The following PGF variants were observed in gnomAD, a reference collection of about 807,000 sequenced individuals.
PGF encodes placenta growth factor.
PGF carries 11 observed loss-of-function variants against 25.3 expected under a neutral mutation model. The ratio of observed to expected loss-of-function variants is 0.43; its 90% CI spans 0.27 to 0.72. The LOEUF (loss-of-function observed/expected upper bound fraction) is 0.72, where lower values mean the gene tolerates loss of function less well. Among genes scored for constraint, PGF ranks in the 30% least tolerant of loss-of-function variants. PGF has a pLI of 0.18. For synonymous variants in PGF, 105 were observed against 97.9 expected (o/e 1.07, Z -0.43); for missense variants, 230 against 234.9 (o/e 0.98, Z 0.14).
chr14:74,946,363 C>T lies in PGF; in HGVS notation c.422+16G>A, dbSNP rs375722502. ...CAGGCCCGAGAATAGCCCCGAGCCC[C>T]AGCCAAACCACTTACCTTTCCGGCT... On this transcript the variant is annotated intron_variant, in intron 5 of 6. Coordinates refer to ENST00000555567, the MANE Select transcript of PGF (RefSeq NM_002632.6). The T allele has an allele frequency of 1.8e-5, 29 of 1,613,436 alleles. No individual in the cohort carries two copies. Among genetic ancestry groups the T allele is most frequent in the African/African-American group, 1.6e-4 (12 of 75,052 alleles).
In PGF at chr14:74,946,422, C is replaced by G. The variant is rs764256662; in HGVS notation, c.393-14G>C. The G allele has an allele frequency of 2.2e-5, 36 of 1,603,366 alleles. No individual in the cohort carries two copies. The highest frequency in any genetic ancestry group is 1.7e-4 in the Middle Eastern group (1 of 6,024). Reference sequence around the variant, plus strand: ...TCCCGCAGAGGCCTAGGGAAACAGACAGAGAGAGGGGCAGAGGAACGTTAG... The same window carrying G: ...TCCCGCAGAGGCCTAGGGAAACAGAGAGAGAGAGGGGCAGAGGAACGTTAG... On this transcript the variant is annotated splice_polypyrimidine_tract_variant and intron_variant, in intron 4 of 6. Transcript: ENST00000555567.
At chr14:74,942,809 G>A in intron 6 of PGF, 76 bp from the exon 7 acceptor site, 1 of 1,409,964 alleles carries the variant, frequency 7.1e-7, no homozygotes, top group Non-Finnish European at 9.7e-7. Context: ...TGGAGGAGGG[G>A]GCAGGCCCAG....
intron 4 of PGF, chr14:74,946,924 T>G (rs1212484150): frequency 5.4e-6 from 4 of 739,346 alleles, no homozygotes; most frequent in Non-Finnish European, 1.0e-5. Flanking sequence ...CAGGCATGTC[T>G]GGGCTCTGCC....
At chr14:74,954,745 C>A (rs994204333) in intron 1 of PGF, among the ~76,000 whole-genome samples, 1 of 152,046 alleles carries the variant, frequency 6.6e-6, no homozygotes, top group African/African-American at 2.4e-5. Context: ...GGCCAGCCTC[C>A]CCACCAACAG....
In PGF at chr14:74,950,851, T is replaced by TG. The variant is rs1000195446; in HGVS notation, c.119-1299dup. ...CTGGGTCATCCTGCTCTGCATCTGA[T>TG]GGTCATCCTCAGCTAGTGGGGAAGA... On this transcript the variant is annotated intron_variant, in intron 2 of 6. Transcript: ENST00000555567. This position sits in a 1 kb window ranked among gnomAD's most constrained non-coding sequence, Gnocchi z 4.1. 6.6e-6 allele frequency among the ~76,000 whole-genome samples: 1 copy of TG among 152,192 alleles called. No homozygotes were observed. Among genetic ancestry groups the TG allele is most frequent in the Non-Finnish European group, 1.5e-5 (1 of 68,030 alleles).
At chr14:74,949,858 C>T (rs1403241462) in intron 2 of PGF, among the ~76,000 whole-genome samples, 1 of 152,222 alleles carries the variant, frequency 6.6e-6, no homozygotes, top group African/African-American at 2.4e-5. Flanking sequence ...GGCAGCTACC[C>T]AGGCCCTCTG....
At chr14:74,947,202 T>A (rs1888759359) in intron 4 of PGF, 1 of 351,894 alleles carries the variant, frequency 2.8e-6, no homozygotes, top group South Asian at 1.2e-4. Context: ...AACCTCAGTC[T>A]CTTCATCTGC....
Position 74,949,501 on chromosome 14 carries a change from C to G in PGF, c.171G>C (p.Arg57Ser). 6.2e-7 allele frequency: 1 copy of G among 1,607,918 alleles called. No individual in the cohort carries two copies. Among genetic ancestry groups the G allele is most frequent in the South Asian group, 1.1e-5 (1 of 90,284 alleles). ...GGTACTCGGACACGACGTCCACCAG[C>G]CTCTCCAGCGCCCGGCAGTAGCTGC... is the stretch of plus-strand genomic sequence containing the variant. The part of the protein sequence containing the change: ...WGRSYCRALE[R>S]LVDVVSEYPS... Residue 57 changes from arginine to serine, a missense_variant, in exon 3 of 7, where the codon AGG becomes AGC. Physicochemically the swap from Arg to Ser is moderately radical, Grantham distance 110. Coordinates refer to ENST00000555567, the MANE Select transcript of PGF (RefSeq NM_002632.6).
intron 3 of PGF, 87 bp from the exon 4 acceptor site, chr14:74,948,670 G>C (rs572259295): frequency 3.7e-6 from 3 of 812,214 alleles, no homozygotes; most frequent in African/African-American, 3.4e-5. Context: ...AGGAGAACCC[G>C]ACTCTGTTTC....
chr14:74,954,779 AC>A (rs1159007920), intron 1 of PGF, among the ~76,000 whole-genome samples: 1 of 151,440 alleles, frequency 6.6e-6, no homozygotes, highest in Non-Finnish European at 1.5e-5. Context: ...CTCCTCCGCC[AC>A]CCCCACCAGG....
chr14:74,942,416 G>A lies in PGF; in HGVS notation c.*290C>T, dbSNP rs571972636. On this transcript the variant is annotated 3_prime_UTR_variant, in exon 7 of 7. Transcript: ENST00000555567. ...TTCTGCAGGCCCCTGGAGACCTCCA[G>A]GGCCTCTGGGGCCTAGCTTGCCCCT... 82 of 426,506 alleles carry A rather than the reference G, an allele frequency of 1.9e-4. No individual in the cohort carries two copies. The South Asian group carries it at 2.0e-3, about 10-fold the overall frequency. 26.4% of individuals were successfully genotyped at this position (426,506 alleles called of 1,614,324 possible). A position where few individuals can be genotyped will look rare whatever the true frequency, so the allele number is the denominator to read the frequency against.
rs1434630636 is a variant in PGF, at chr14:74,950,427, C to A, written c.119-874G>T. ...ACCCGTAAACACAGGCTAAGTCACT[C>A]CTGGTTGATTAGATGACATTTCACT... On this transcript the variant is annotated intron_variant, in intron 2 of 6. Coordinates refer to ENST00000555567, the MANE Select transcript of PGF (RefSeq NM_002632.6). This position sits in a 1 kb window ranked among gnomAD's most constrained non-coding sequence, Gnocchi z 4.1. Among the ~76,000 whole-genome samples, 2 of 152,220 alleles carry A rather than the reference C, an allele frequency of 1.3e-5. No homozygotes were observed. The highest frequency in any genetic ancestry group is 2.9e-5 in the Non-Finnish European group (2 of 68,038).
Position 74,942,498 on chromosome 14 carries a change from G to C in PGF, c.*208C>G. The C allele has an allele frequency of 5.0e-6, 3 of 595,658 alleles. No individual in the cohort carries two copies. Among genetic ancestry groups the C allele is most frequent in the South Asian group, 3.8e-5 (2 of 52,488 alleles). The allele number at this position is 595,658 out of a possible 1,614,324, so 36.9% of individuals were successfully genotyped here. ...CGGAAGCTCCCAGGGGTCTGTGGCT[G>C]GCTTCTCTCTTTCTCTCACGTTGTT... On this transcript the variant is annotated 3_prime_UTR_variant, in exon 7 of 7. Transcript: ENST00000555567.
Position 74,949,536 on chromosome 14 carries a change from C to A in PGF, c.136G>T (p.Val46Leu). The change falls in exon 3 of 7, where the codon GTG (valine) becomes TTG (leucine). Residue 46 changes from valine (V) to leucine (L), a missense_variant. Transcript: ENST00000555567. Reference sequence around the variant, plus strand: ...GCCCGGCAGTAGCTGCGGCCCCACACTTCCTGGAAGGGTACCACTGCGAGG... The same window carrying A: ...GCCCGGCAGTAGCTGCGGCCCCACAATTCCTGGAAGGGTACCACTGCGAGG... Reference protein sequence around the residue: ...SEVEVVPFQEVWGRSYCRALE... With the variant: ...SEVEVVPFQELWGRSYCRALE... 1 of 1,582,746 alleles carries A rather than the reference C, an allele frequency of 6.3e-7. No individual in the cohort carries two copies. Among genetic ancestry groups the A allele is most frequent in the Non-Finnish European group, 8.6e-7 (1 of 1,165,550 alleles).
chr14:74,946,365 G>A lies in PGF; in HGVS notation c.422+14C>T. The A allele has an allele frequency of 6.2e-7, 1 of 1,613,448 alleles. No individual in the cohort carries two copies. The highest frequency in any genetic ancestry group is 1.3e-5 in the African/African-American group (1 of 75,052). On this transcript the variant is annotated intron_variant, in intron 5 of 6. Coordinates refer to ENST00000555567, the MANE Select transcript of PGF (RefSeq NM_002632.6). ...GGCCCGAGAATAGCCCCGAGCCCCA[G>A]CCAAACCACTTACCTTTCCGGCTTC...
In PGF at chr14:74,953,863, G is replaced by C. The variant is rs773051604; in HGVS notation, c.118+41C>G. On this transcript the variant is annotated intron_variant, in intron 2 of 6. Transcript: ENST00000555567. The surrounding 1 kb of genome is among the most constrained non-coding windows in gnomAD (Gnocchi z 5.4). ...CTGGGCTTGGGAGAAAGGAAGAGAGGGGCTTGGGGAGCATGCGTACCCCCA... is the reference window on the plus strand; with the variant it reads ...CTGGGCTTGGGAGAAAGGAAGAGAGCGGCTTGGGGAGCATGCGTACCCCCA... 4 of 1,602,354 alleles carry C rather than the reference G, an allele frequency of 2.5e-6. No homozygotes were observed. The East Asian group carries it at 8.9e-5, about 36-fold the overall frequency.
upstream of PGF, chr14:74,955,709 G>GAGCGCCCGT (rs1888977633): frequency 6.6e-6 from 1 of 152,570 alleles, no homozygotes; most frequent in African/African-American, 2.4e-5. This position sits in a 1 kb window ranked among gnomAD's most constrained non-coding sequence, Gnocchi z 4.1. Flanking sequence ...GGAGCGCCCG[G>GAGCGCCCGT]TCAGCCCGCA....
At position 74,942,418 on chromosome 14, in the gene PGF, G is replaced by T; in HGVS notation, c.*288C>A. 1 of 429,438 alleles carries T rather than the reference G, an allele frequency of 2.3e-6. No individual in the cohort carries two copies. Among genetic ancestry groups the T allele is most frequent in the Non-Finnish European group, 4.2e-6 (1 of 240,284 alleles). 26.6% of individuals were successfully genotyped at this position (429,438 alleles called of 1,614,324 possible). On this transcript the variant is annotated 3_prime_UTR_variant, in exon 7 of 7. Transcript: ENST00000555567. ...CTGCAGGCCCCTGGAGACCTCCAGG[G>T]CCTCTGGGGCCTAGCTTGCCCCTCA...
Position 74,949,333 on chromosome 14 carries a change from C to A in PGF, c.315+24G>T. The A allele has an allele frequency of 2.0e-6, 3 of 1,475,540 alleles. No individual in the cohort carries two copies. In the South Asian group the frequency reaches 4.2e-5, roughly 21 times the overall value. The allele number at this position is 1,475,540 out of a possible 1,614,324, so 91.4% of individuals were successfully genotyped here. On this transcript the variant is annotated intron_variant, in intron 3 of 6. Transcript: ENST00000555567. ...CCTTCTAGTGGGCAGATTCGGTGGC[C>A]CCCTGGGCAGGGTATGGACCTACCT...
Sources: allele counts gnomAD v4.1 joint callset (sites outside exome capture counted in the v4.1 genomes callset), GRCh38; gene constraint gnomAD v4.1.1; non-coding constraint Gnocchi (gnomAD v3.1); transcripts MANE v1.5; gene names NCBI Gene and HGNC (gene_info 2026-07-23, HGNC 2026-07-21).